TMEM161B: variants seen among roughly 807,000 people sequenced by gnomAD.
The protein encoded by TMEM161B is transmembrane protein 161B.
Under a neutral mutation model 61.8 loss-of-function variants are expected in TMEM161B, and 34 were observed. The ratio of observed to expected loss-of-function variants is 0.55; its 90% CI spans 0.42 to 0.73. The LOEUF (loss-of-function observed/expected upper bound fraction) is 0.73, where lower values mean the gene tolerates loss of function less well. Ranked by LOEUF, TMEM161B falls within the 30% of genes least tolerant of loss-of-function variation. TMEM161B has a pLI of 0.00. For missense variants in TMEM161B, 456 were observed against 558.5 expected (o/e 0.82, Z 1.85); for synonymous variants, 167 against 192.8 (o/e 0.87, Z 1.11).
At chr5:88,216,157 G>A (rs963449261) in intron 5 of TMEM161B, among the ~76,000 whole-genome samples, 2 of 152,128 alleles carry the variant, frequency 1.3e-5, no homozygotes, top group African/African-American at 4.8e-5. Flanking sequence ...GAGGCAGGAG[G>A]ATCACTTGAG....
chr5:88,210,276 G>A (rs115072622), intron 5 of TMEM161B, among the ~76,000 whole-genome samples: 2,401 of 152,248 alleles, frequency 0.016, 58 homozygotes, highest in African/African-American at 0.055. Context: ...TATTTAACAT[G>A]TAATACCAAA....
chr5:88,262,713 C>A (rs915312580), intron 1 of TMEM161B, among the ~76,000 whole-genome samples: 2 of 151,952 alleles, frequency 1.3e-5, no homozygotes, highest in African/African-American at 4.8e-5. Flanking sequence ...CAAGAATGAA[C>A]CCCAAAGTAC....
At chr5:88,205,453 T>C (rs1218442982) in intron 8 of TMEM161B, among the ~76,000 whole-genome samples, 1 of 152,004 alleles carries the variant, frequency 6.6e-6, no homozygotes, top group Non-Finnish European at 1.5e-5. Context: ...TATATGAAAA[T>C]TTAAAACAAT....
At chr5:88,208,479 C>G (rs969464931) in intron 5 of TMEM161B, among the ~76,000 whole-genome samples, 16 of 150,036 alleles carry the variant, frequency 1.1e-4, no homozygotes, top group Admixed American at 8.6e-4. Flanking sequence ...GAGACTCCGT[C>G]TCCAAAAAAA....
rs1209477858 is a variant in TMEM161B, at chr5:88,195,850, T to C, written c.*361A>G. ...GCCACTATGACTATCAACAGTACCA[T>C]AAAACCATTAAAAGCAATCAATAAC... is the stretch of plus-strand genomic sequence containing the variant. On this transcript the variant is annotated 3_prime_UTR_variant, in exon 12 of 12. Transcript: ENST00000296595. 4 of 1,023,016 alleles carry C rather than the reference T, an allele frequency of 3.9e-6. No homozygotes were observed. The African/African-American group carries it at 6.9e-5, about 18-fold the overall frequency. 63.4% of individuals were successfully genotyped at this position (1,023,016 alleles called of 1,614,324 possible). A position where few individuals can be genotyped will look rare whatever the true frequency, so the allele number is the denominator to read the frequency against.
At chr5:88,225,357 C>T (rs761696000) in intron 4 of TMEM161B, among the ~76,000 whole-genome samples, 3 of 152,064 alleles carry the variant, frequency 2.0e-5, no homozygotes, top group Admixed American at 6.5e-5. Context: ...AAAAGTCATA[C>T]GTCATACTCG....
At chr5:88,218,444 G>A (rs529172261) in intron 5 of TMEM161B, among the ~76,000 whole-genome samples, 1 of 152,140 alleles carries the variant, frequency 6.6e-6, no homozygotes, top group South Asian at 2.1e-4. Context: ...TAGGTGGCTA[G>A]GTAAAAAAAG....
rs761258905 is a variant in TMEM161B at position 88,206,409 on chromosome 5, T to C, written c.659+30A>G. The C allele has an allele frequency of 1.6e-5, 25 of 1,537,102 alleles. 1 individual carries two copies. The South Asian group carries it at 2.9e-4, about 18-fold the overall frequency. ...TATTAAAAATAGAAAAGGTTAAATT[T>C]AAATAATGCTTAATTTTTCAAAAAC... On this transcript the variant is annotated intron_variant, in intron 7 of 11. Transcript: ENST00000296595.
At chr5:88,212,785 T>C (rs1314113805) in intron 5 of TMEM161B, among the ~76,000 whole-genome samples, 1 of 152,190 alleles carries the variant, frequency 6.6e-6, no homozygotes, top group Non-Finnish European at 1.5e-5. Flanking sequence ...GTCAAGACCA[T>C]GACTTCACTC....
chr5:88,261,042 G>A (rs1461335222), intron 1 of TMEM161B, among the ~76,000 whole-genome samples: 1 of 152,118 alleles, frequency 6.6e-6, no homozygotes, highest in East Asian at 1.9e-4. Context: ...CTAAAAATAG[G>A]TGGCATATCC....
At chr5:88,236,005 T>G (rs1358545131) in intron 2 of TMEM161B, among the ~76,000 whole-genome samples, 24 of 152,098 alleles carry the variant, frequency 1.6e-4, no homozygotes, top group Admixed American at 1.6e-3. Flanking sequence ...AGGTTTAAAT[T>G]TTTCCCTTAG....
chr5:88,228,105 G>A (rs1750367899), intron 3 of TMEM161B, among the ~76,000 whole-genome samples: 1 of 152,084 alleles, frequency 6.6e-6, no homozygotes, highest in Non-Finnish European at 1.5e-5. Flanking sequence ...CACAGTAGCA[G>A]CAAAAACTGG....
intron 5 of TMEM161B, among the ~76,000 whole-genome samples, chr5:88,215,612 T>C (rs1747688446): frequency 6.6e-6 from 1 of 152,170 alleles, no homozygotes; most frequent in Admixed American, 6.5e-5. Flanking sequence ...TCTTCAGAAC[T>C]TTCTGTCCTC....
intron 1 of TMEM161B, among the ~76,000 whole-genome samples, chr5:88,262,868 T>C (rs932712059): frequency 6.6e-6 from 1 of 152,170 alleles, no homozygotes; most frequent in Non-Finnish European, 1.5e-5. Flanking sequence ...TGTATCTTCC[T>C]CTTAAGATTT....
chr5:88,220,987 A>G (rs549491014), intron 4 of TMEM161B, among the ~76,000 whole-genome samples: 20 of 152,322 alleles, frequency 1.3e-4, no homozygotes, highest in African/African-American at 4.6e-4. Flanking sequence ...TTGGTAAAGT[A>G]TGATTGCAAA....
chr5:88,226,599 GT>G (rs1750093010), intron 3 of TMEM161B, among the ~76,000 whole-genome samples: 1 of 152,076 alleles, frequency 6.6e-6, no homozygotes, highest in Non-Finnish European at 1.5e-5. Context: ...CTTCAACTAA[GT>G]TTTAATAATA....
chr5:88,189,905 C>T (rs1026122855), exon 13 of TMEM161B: 4 of 600,376 alleles, frequency 6.7e-6, no homozygotes, highest in Non-Finnish European at 1.2e-5. Flanking sequence ...TCCGCTCCAC[C>T]TTTCCGGAAC....
chr5:88,250,253 T>G (rs928764837), intron 1 of TMEM161B, among the ~76,000 whole-genome samples: 1 of 151,966 alleles, frequency 6.6e-6, no homozygotes, highest in Non-Finnish European at 1.5e-5. Context: ...ATTCTTACCT[T>G]TTTGTTAGCT....
At chr5:88,230,815 T>A (rs1750862979) in intron 2 of TMEM161B, among the ~76,000 whole-genome samples, 1 of 152,156 alleles carries the variant, frequency 6.6e-6, no homozygotes, top group Non-Finnish European at 1.5e-5. Flanking sequence ...AACAAGAGTG[T>A]AGAAGTATCT....
Sources: allele counts gnomAD v4.1 joint callset (sites outside exome capture counted in the v4.1 genomes callset), GRCh38; gene constraint gnomAD v4.1.1; transcripts MANE v1.5; gene names NCBI Gene and HGNC (gene_info 2026-07-23, HGNC 2026-07-21).